FRYL: variants seen among roughly 807,000 people sequenced by gnomAD.
FRYL encodes protein furry homolog-like.
A neutral mutation model predicts 351.2 loss-of-function variants in FRYL; 150 were observed. That is an observed-to-expected ratio of 0.43 (90% CI 0.37 to 0.49). The LOEUF (loss-of-function observed/expected upper bound fraction) is 0.49, where lower values mean the gene tolerates loss of function less well. FRYL is among the 20% of genes least tolerant of loss of function. The pLI is 0.00. For missense variants in FRYL, 3,036 were observed against 3,619.3 expected (o/e 0.84, Z 4.13); for synonymous variants, 1,153 against 1,257.1 (o/e 0.92, Z 1.75).
In FRYL at chr4:48,529,316, G is replaced by A. The variant is rs144291695; in HGVS notation, c.6904-980C>T. ...ACTACACATGTATCCACTGGACCAT[G>A]TGTGATTGCCTCTATACCTTTGGTG... On this transcript the variant is annotated intron_variant, in intron 50 of 63. Transcript: ENST00000358350. Among the ~76,000 whole-genome samples the A allele has an allele frequency of 9.7e-3, 1,475 of 152,304 alleles. 15 individuals are homozygous for A. Among genetic ancestry groups the A allele is most frequent in the Middle Eastern group, 0.017 (5 of 294 alleles).
intron 24 of FRYL, 121 bp downstream of exon 24, chr4:48,575,909 G>C: frequency 1.3e-6 from 1 of 770,166 alleles, no homozygotes; most frequent in Non-Finnish European, 2.0e-6. Flanking sequence ...TTTCCTTTTT[G>C]CAAGTAAGTA....
chr4:48,753,339 G>C (rs948226417), intron 1 of FRYL, among the ~76,000 whole-genome samples: 1 of 152,090 alleles, frequency 6.6e-6, no homozygotes. Context: ...GAGAAGTTAG[G>C]GGGGAAGGTG....
chr4:48,635,971 T>G (rs1384219064), intron 3 of FRYL, among the ~76,000 whole-genome samples: 1 of 152,148 alleles, frequency 6.6e-6, no homozygotes, highest in African/African-American at 2.4e-5. Flanking sequence ...TTAAAAAAAC[T>G]TGCTCTACCA....
chr4:48,499,393 T>TA lies in FRYL; in HGVS notation c.*28dup. 1 of 1,603,944 alleles carries TA rather than the reference T, an allele frequency of 6.2e-7. No homozygotes were observed. Among genetic ancestry groups the TA allele is most frequent in the Non-Finnish European group, 8.5e-7 (1 of 1,171,706 alleles). ...TTAATATTCTTCATCATCTTCAGTT[T>TA]AGTTTCTTTCCTAAAGGCCTGAAGT... On this transcript the variant is annotated 3_prime_UTR_variant, in exon 64 of 64. Coordinates refer to ENST00000358350, the MANE Select transcript of FRYL (RefSeq NM_015030.2).
chr4:48,587,511 T>C (rs575563153), intron 18 of FRYL, among the ~76,000 whole-genome samples: 13 of 152,206 alleles, frequency 8.5e-5, no homozygotes, highest in Non-Finnish European at 1.5e-4. Flanking sequence ...GAAAAGAATT[T>C]GGATATTCTC....
chr4:48,596,336 G>A (rs1268075043), intron 13 of FRYL, among the ~76,000 whole-genome samples: 5 of 152,004 alleles, frequency 3.3e-5, no homozygotes, highest in Non-Finnish European at 7.4e-5. Context: ...CTGACATAAT[G>A]ACTGAAAAAG....
rs1756133820 is a variant in FRYL at position 48,645,124 on chromosome 4, T to TATATATATATATATATATATATA, written c.-80-10635_-80-10634insTATATATATATATATATATATAT. Among the ~76,000 whole-genome samples the TATATATATATATATATATATATA allele has an allele frequency of 1.9e-4, 20 of 105,470 alleles. 2 individuals are homozygous for TATATATATATATATATATATATA. The highest frequency in any genetic ancestry group is 2.9e-4 in the Non-Finnish European group (14 of 48,328). The allele number at this position is 105,470 out of a possible 152,430, so 69.2% of individuals were successfully genotyped here. ...ATTAAACCAGCAGTGAGCTTTCATT[T>TATATATATATATATATATATATA]TATATATATATATATATATATATAT... On this transcript the variant is annotated intron_variant, in intron 3 of 63. Coordinates refer to ENST00000358350, the MANE Select transcript of FRYL (RefSeq NM_015030.2).
chr4:48,512,659 G>A lies in FRYL; in HGVS notation c.7967C>T (p.Pro2656Leu), dbSNP rs1722721927. The change falls in exon 57 of 64, where the codon CCA (proline) becomes CTA (leucine). Residue 2656 changes from proline to leucine, a missense_variant. By Grantham distance (98) the Pro-to-Leu change is moderately conservative. Coordinates refer to ENST00000358350, the MANE Select transcript of FRYL (RefSeq NM_015030.2). ...CGGCAGAGGCGACGTCTGTACTTCT[G>A]GAAAACCATCTTGCTCTTCTTCATC... ...SQDEEEQDGF[P>L]EVQTSPLPSP... The A allele has an allele frequency of 6.2e-7, 1 of 1,613,702 alleles. No homozygotes were observed. The highest frequency in any genetic ancestry group is 8.5e-7 in the Non-Finnish European group (1 of 1,179,712).
Position 48,540,875 on chromosome 4 carries a change from T to C in FRYL, c.5773A>G (p.Ile1925Val). ...TATCCCAAATAACTGCTACTATTAA[T>C]GGGACTTGTGCTTAGATTGAGTTGT... is the stretch of plus-strand genomic sequence containing the variant. Reference protein sequence around the residue: ...TGQLNLSTSPINSSSYLGYNS... With the variant: ...TGQLNLSTSPVNSSSYLGYNS... Residue 1925 changes from isoleucine to valine, a missense_variant, in exon 46 of 64, where the codon ATT becomes GTT. This residue lies in a region of FRYL where 1,987 missense variants were observed against 2,311.7 expected (regional missense o/e 0.86). Transcript: ENST00000358350. 6.2e-7 allele frequency: 1 copy of C among 1,614,004 alleles called. No individual in the cohort carries two copies. The highest frequency in any genetic ancestry group is 8.5e-7 in the Non-Finnish European group (1 of 1,179,928).
chr4:48,737,208 A>C (rs1205198768), intron 1 of FRYL, among the ~76,000 whole-genome samples: 2 of 150,422 alleles, frequency 1.3e-5, no homozygotes, highest in East Asian at 3.9e-4. Context: ...AGTGAGTCAA[A>C]GATCATGCCA....
At chr4:48,675,402 G>C (rs1335361253) in intron 3 of FRYL, among the ~76,000 whole-genome samples, 3 of 152,246 alleles carry the variant, frequency 2.0e-5, no homozygotes, top group African/African-American at 4.8e-5. Context: ...GGAGTTCCGG[G>C]TGGGCGTGGG....
At chr4:48,629,162 T>C (rs1039054516) in intron 4 of FRYL, among the ~76,000 whole-genome samples, 22 of 152,162 alleles carry the variant, frequency 1.4e-4, no homozygotes, top group African/African-American at 5.3e-4. Flanking sequence ...ATATGTAGGA[T>C]ACCAACAGCA....
chr4:48,708,072 G>T (rs35947265), intron 2 of FRYL, among the ~76,000 whole-genome samples: 1 of 151,678 alleles, frequency 6.6e-6, no homozygotes, highest in Non-Finnish European at 1.5e-5. Flanking sequence ...AGCCTGCCTC[G>T]GCCTCCCAAA....
At chr4:48,716,532 C>T (rs2149601715) in intron 1 of FRYL, among the ~76,000 whole-genome samples, 1 of 151,732 alleles carries the variant, frequency 6.6e-6, no homozygotes, top group South Asian at 2.1e-4. Flanking sequence ...AAAATGCTCA[C>T]CATCACTGGC....
chr4:48,619,294 A>C lies in FRYL; in HGVS notation c.391T>G (p.Leu131Val), dbSNP rs1273544091. 1 of 1,608,370 alleles carries C rather than the reference A, an allele frequency of 6.2e-7. No individual in the cohort carries two copies. The highest frequency in any genetic ancestry group is 1.7e-5 in the Admixed American group (1 of 59,522). ...CTTACCTGCTTTAGAACTTCAACTA[A>C]AACTAAACAAAAAATGAAGTCTACT... is the stretch of plus-strand genomic sequence containing the variant. ...LAVDFIFCLV[L>V]VEVLKQIPVH... The change falls in exon 7 of 64, where the codon TTA becomes GTA. Residue 131 changes from leucine to valine, a missense_variant. By Grantham distance (32) the Leu-to-Val change is conservative (BLOSUM62 1). Coordinates refer to ENST00000358350, the MANE Select transcript of FRYL (RefSeq NM_015030.2).
At chr4:48,767,261 G>A (rs1360443450) in intron 1 of FRYL, among the ~76,000 whole-genome samples, 1 of 152,016 alleles carries the variant, frequency 6.6e-6, no homozygotes, top group African/African-American at 2.4e-5. Flanking sequence ...AGAGAGGGAA[G>A]GGGGATGTGC....
At position 48,549,213 on chromosome 4, in the gene FRYL, T is replaced by C. The variant is rs1306406865; in HGVS notation, c.4784+260A>G. On this transcript the variant is annotated intron_variant, in intron 39 of 63. Transcript: ENST00000358350. This position sits in a 1 kb window ranked among gnomAD's most constrained non-coding sequence, Gnocchi z 4.2. ...GGAAAGTCATATTTTTCAGATGTAG[T>C]AACTGGGTCCCAGAAAGGTCAAGTA... Among the ~76,000 whole-genome samples the C allele has an allele frequency of 2.0e-5, 3 of 152,184 alleles. No individual in the cohort carries two copies. The highest frequency in any genetic ancestry group is 4.4e-5 in the Non-Finnish European group (3 of 68,038).
intron 5 of FRYL, among the ~76,000 whole-genome samples, chr4:48,622,505 C>T (rs1188916195): frequency 6.6e-6 from 1 of 152,122 alleles, no homozygotes; most frequent in Non-Finnish European, 1.5e-5. Context: ...GGTAAGTCTC[C>T]ACTAAGTAAT....
intron 49 of FRYL, among the ~76,000 whole-genome samples, chr4:48,533,874 A>C (rs954302879): frequency 3.9e-5 from 6 of 152,200 alleles, no homozygotes; most frequent in African/African-American, 1.4e-4. Context: ...TCTGTTTCTA[A>C]AAGTAGTGTA....
Sources: allele counts gnomAD v4.1 joint callset (sites outside exome capture counted in the v4.1 genomes callset), GRCh38; gene constraint gnomAD v4.1.1; regional missense constraint gnomAD v4.1.1; non-coding constraint Gnocchi (gnomAD v3.1); transcripts MANE v1.5; gene names NCBI Gene and HGNC (gene_info 2026-07-23, HGNC 2026-07-21).